Variants in SPG11 observed in about 807,000 individuals in gnomAD.
The protein encoded by SPG11 is spatacsin.
SPG11 carries 222 observed loss-of-function variants against 274.0 expected under a neutral mutation model. The observed-to-expected ratio is 0.81, with a 90% CI of 0.73 to 0.91. The LOEUF (loss-of-function observed/expected upper bound fraction) is 0.91. SPG11 is among the 40% of genes least tolerant of loss of function. SPG11 has a pLI of 0.00. For missense variants in SPG11, 3,114 were observed against 2,872.7 expected, an observed-to-expected ratio of 1.08 and a Z score of -1.92; for synonymous variants, 1,144 against 1,039.7, an observed-to-expected ratio of 1.10 and a Z score of -1.93.
chr15:44,600,670 T>A lies in SPG11; in HGVS notation c.3521-38A>T, dbSNP rs764430525. The stretch of plus-strand genomic sequence containing the variant: ...TAAAACAATATTAATTATCTGTATA[T>A]CACCATAATTAATTTCAGATTTGCA... On this transcript the variant is annotated intron_variant, in intron 20 of 39. Transcript: ENST00000261866. The A allele has an allele frequency of 4.4e-6, 7 of 1,598,482 alleles. No individual in the cohort carries two copies. In the Admixed American group the frequency reaches 1.0e-4, roughly 23 times the overall value.
chr15:44,626,579 T>C (rs930852874), intron 10 of SPG11, 72 bp from the exon 11 acceptor site: 11 of 1,453,240 alleles, frequency 7.6e-6, no homozygotes, highest in Middle Eastern at 4.2e-4. Flanking sequence ...CATGGGATTA[T>C]ACATTTATGT....
chr15:44,662,973 A>C (rs1390861737), intron 1 of SPG11, among the ~76,000 whole-genome samples: 1 of 152,244 alleles, frequency 6.6e-6, no homozygotes, highest in African/African-American at 2.4e-5. Flanking sequence ...GACATGAAAA[A>C]AGTATCAGGA....
intron 30 of SPG11, 198 bp from the exon 31 acceptor site, chr15:44,575,239 C>T (rs539770512): frequency 1.8e-5 from 11 of 605,712 alleles, no homozygotes; most frequent in Non-Finnish European, 2.9e-5. Context: ...CCCTGGGATA[C>T]TTCAAAGACC....
intron 2 of SPG11, among the ~76,000 whole-genome samples, chr15:44,660,058 C>CA (rs2085059912): frequency 6.6e-6 from 1 of 151,066 alleles, no homozygotes; most frequent in Non-Finnish European, 1.5e-5. Context: ...GAGACTGTCT[C>CA]AAAAAAATAA....
At position 44,566,292 on chromosome 15, in the gene SPG11, C is replaced by T; in HGVS notation, c.6768G>A (p.Lys2256=). The part of the protein sequence containing the change: ...IESQPWEDSL[K]DGHQLKQLLL... Reference sequence around the variant, plus strand: ...GCAGTTGTTTCAGCTGGTGCCCATCCTTGAGGCTGTCCTCTGTAGGGGAAA... The same window carrying T: ...GCAGTTGTTTCAGCTGGTGCCCATCTTTGAGGCTGTCCTCTGTAGGGGAAA... The change falls in exon 37 of 40, where the codon AAG becomes AAA. Residue 2256 remains lysine, a synonymous_variant. Coordinates refer to ENST00000261866, the MANE Select transcript of SPG11 (RefSeq NM_025137.4). The T allele has an allele frequency of 6.2e-7, 1 of 1,614,154 alleles. No homozygotes were observed. The highest frequency in any genetic ancestry group is 8.5e-7 in the Non-Finnish European group (1 of 1,180,014).
chr15:44,591,120 TC>T (rs1265736564), intron 27 of SPG11, among the ~76,000 whole-genome samples: 2 of 152,232 alleles, frequency 1.3e-5, no homozygotes, highest in Non-Finnish European at 2.9e-5. Context: ...TCTCTTAAAT[TC>T]CAATAGGACT....
At chr15:44,564,917 T>A (rs967804141) in intron 38 of SPG11, among the ~76,000 whole-genome samples, 1 of 152,140 alleles carries the variant, frequency 6.6e-6, no homozygotes, top group Admixed American at 6.5e-5. Context: ...AACCCTTTTT[T>A]AAAAAAGACA....
chr15:44,645,148 A>G (rs2084568734), intron 7 of SPG11, among the ~76,000 whole-genome samples: 1 of 152,230 alleles, frequency 6.6e-6, no homozygotes, highest in African/African-American at 2.4e-5. Flanking sequence ...AGCTGGAGAC[A>G]TCATCACTTC....
intron 27 of SPG11, 116 bp downstream of exon 27, chr15:44,592,215 T>C (rs1420870241): frequency 2.8e-6 from 2 of 718,510 alleles, no homozygotes; most frequent in African/African-American, 3.5e-5. Flanking sequence ...GCTGTGATCG[T>C]AACACTGTGC....
At chr15:44,633,740 T>A (rs2084153171) in intron 7 of SPG11, 103 bp from the exon 8 acceptor site, 3 of 1,261,166 alleles carry the variant, frequency 2.4e-6, no homozygotes, top group Non-Finnish European at 3.4e-6. Context: ...GTGGTGAGAC[T>A]ACAGGAGGCA....
intron 3 of SPG11, 90 bp from the exon 4 acceptor site, chr15:44,657,386 A>C (rs571804152): frequency 8.2e-7 from 1 of 1,216,360 alleles, no homozygotes; most frequent in African/African-American, 1.5e-5. Flanking sequence ...AGACTTTATC[A>C]CTCCAATTTT....
intron 7 of SPG11, among the ~76,000 whole-genome samples, chr15:44,636,363 T>C (rs1318363715): frequency 6.6e-6 from 1 of 151,906 alleles, no homozygotes; most frequent in African/African-American, 2.4e-5. Context: ...CTTGTTCTTA[T>C]GATATATATA....
chr15:44,570,914 C>G (rs775595695), intron 33 of SPG11, among the ~76,000 whole-genome samples: 8 of 152,154 alleles, frequency 5.3e-5, no homozygotes, highest in Non-Finnish European at 1.0e-4. Context: ...AAAAGGCCCC[C>G]AAAATGAGAA....
chr15:44,653,080 G>A (rs947861797), intron 4 of SPG11, among the ~76,000 whole-genome samples: 9 of 152,170 alleles, frequency 5.9e-5, no homozygotes, highest in African/African-American at 2.2e-4. Context: ...AAGAAGGCTA[G>A]GGTGGCTAAT....
intron 12 of SPG11, 56 bp downstream of exon 12, chr15:44,622,672 G>A (rs2083786330): frequency 2.1e-6 from 3 of 1,418,674 alleles, no homozygotes; most frequent in Non-Finnish European, 3.0e-6. Context: ...TTTCTTCCAA[G>A]TTTTTCACCC....
At chr15:44,628,477 G>A (rs1363646236) in intron 10 of SPG11, among the ~76,000 whole-genome samples, 192 bp downstream of exon 10, 6 of 152,158 alleles carry the variant, frequency 3.9e-5, no homozygotes, top group Non-Finnish European at 7.3e-5. Flanking sequence ...CCCTTATAGC[G>A]AATTAAATAA....
At position 44,628,702 on chromosome 15, in the gene SPG11, C is replaced by A. The variant is rs2083971691; in HGVS notation, c.2034G>T (p.Lys678Asn). The part of the protein sequence containing the change: ...YDVHENVPKV[K>N]ESNIWKKLSF... ...TGAGTTTCTTCCATATATTGCTCTCCTTTACTTTGGGGACATTTTCATGTA... is the reference window on the plus strand; with the variant it reads ...TGAGTTTCTTCCATATATTGCTCTCATTTACTTTGGGGACATTTTCATGTA... The change falls in exon 10 of 40, where the codon AAG becomes AAT. Residue 678 changes from lysine to asparagine, a missense_variant. Coordinates refer to ENST00000261866, the MANE Select transcript of SPG11 (RefSeq NM_025137.4). 6.2e-7 allele frequency: 1 copy of A among 1,613,758 alleles called. No homozygotes were observed. Among genetic ancestry groups the A allele is most frequent in the Non-Finnish European group, 8.5e-7 (1 of 1,179,928 alleles).
chr15:44,584,352 G>A lies in SPG11; in HGVS notation c.5328C>T (p.Leu1776=), dbSNP rs200027406. 8.7e-6 allele frequency: 14 copies of A among 1,611,142 alleles called. No homozygotes were observed. Among genetic ancestry groups the A allele is most frequent in the Non-Finnish European group, 8.5e-7 (1 of 1,177,980 alleles). ...WSSMEERHLL[L]TLAGHWLAQE... ...GGGCAAGCCAGTGCCCTGCCAAGGT[G>A]AGCAGCAGATGGCGCTCCTCCATGC... The change falls in exon 30 of 40, where the codon CTC becomes CTT. Residue 1776 remains leucine, a synonymous_variant. Coordinates refer to ENST00000261866, the MANE Select transcript of SPG11 (RefSeq NM_025137.4).
At chr15:44,624,468 A>G (rs1170301539) in intron 11 of SPG11, among the ~76,000 whole-genome samples, 2 of 152,026 alleles carry the variant, frequency 1.3e-5, no homozygotes, top group Admixed American at 6.6e-5. Flanking sequence ...TATGGAATCT[A>G]AAAAAAAGCT....
Sources: allele counts gnomAD v4.1 joint callset (sites outside exome capture counted in the v4.1 genomes callset), GRCh38; gene constraint gnomAD v4.1.1; transcripts MANE v1.5; gene names NCBI Gene and HGNC (gene_info 2026-07-23, HGNC 2026-07-21).